Variants in CCDC33 observed in about 807,000 individuals in gnomAD.
CCDC33 encodes the protein coiled-coil domain-containing protein 33.
A neutral mutation model predicts 91.9 loss-of-function variants in CCDC33; 94 were observed. The ratio of observed to expected loss-of-function variants is 1.02; its 90% confidence interval spans 0.87 to 1.21. CCDC33 has a LOEUF of 1.21. CCDC33 is among the 50% of genes most tolerant of loss of function. CCDC33 has a pLI of 0.00. For missense variants in CCDC33, 940 were observed against 935.5 expected (o/e 1.00, Z -0.06); for synonymous variants, 396 against 374.5 (o/e 1.06, Z -0.66).
Position 74,279,983 on chromosome 15 carries a change from C to A in CCDC33, c.780C>A (p.Pro260=), listed in dbSNP as rs779997632. 2.5e-6 allele frequency: 4 copies of A among 1,614,106 alleles called. No homozygotes were observed. The highest frequency in any genetic ancestry group is 2.5e-6 in the Non-Finnish European group (3 of 1,179,974). ...TCCAGCTGTCCAAGCCTGGGGGACC[C>A]CCAGAGCAGCCCCTGTGGAATCAGT... The part of the protein sequence containing the change: ...GCPQLSKPGG[P]PEQPLWNQSF... The change falls in exon 8 of 19, where the codon CCC becomes CCA. Residue 260 remains proline, a synonymous_variant. Coordinates refer to ENST00000398814, the MANE Select transcript of CCDC33 (RefSeq NM_025055.5).
At chr15:74,231,414 A>G (rs377222728), upstream of CCDC33, among the ~76,000 whole-genome samples, 10 of 152,252 alleles carry the variant, frequency 6.6e-5, no homozygotes, top group East Asian at 1.7e-3. Context: ...GGGGCACACC[A>G]CCTCAATCTC....
intron 10 of CCDC33, among the ~76,000 whole-genome samples, chr15:74,294,989 C>T (rs185594382): frequency 1.3e-3 from 202 of 152,142 alleles, no homozygotes; most frequent in African/African-American, 4.7e-3. Flanking sequence ...TGGAGGGAGA[C>T]GAAGGCTCAT....
intron 10 of CCDC33, among the ~76,000 whole-genome samples, chr15:74,284,900 C>G (rs373637986): frequency 2.0e-5 from 3 of 152,382 alleles, no homozygotes; most frequent in East Asian, 3.9e-4. Context: ...TTTGGGAAGG[C>G]AGCAGCAGGG....
chr15:74,241,169 T>A (rs2075335976), intron 1 of CCDC33, among the ~76,000 whole-genome samples: 1 of 151,598 alleles, frequency 6.6e-6, no homozygotes, highest in Non-Finnish European at 1.5e-5. Flanking sequence ...CCTCTGTAGA[T>A]GGTGACAGGC....
upstream of CCDC33, chr15:74,203,007 C>G (rs1169480749): frequency 3.0e-6 from 3 of 986,272 alleles, no homozygotes; most frequent in Admixed American, 6.1e-5. Flanking sequence ...ACATACCTGC[C>G]TTCAGCGCCT....
intron 1 of CCDC33, among the ~76,000 whole-genome samples, chr15:74,239,318 C>G (rs530394323): frequency 3.3e-5 from 5 of 152,100 alleles, no homozygotes; most frequent in African/African-American, 1.2e-4. Flanking sequence ...AACCCACCCG[C>G]GGGAGCTGAA....
intron 16 of CCDC33, 89 bp from the exon 17 acceptor site, chr15:74,333,792 G>C: frequency 9.2e-7 from 1 of 1,081,780 alleles, no homozygotes; most frequent in South Asian, 1.4e-5. Flanking sequence ...GGCCTGACTG[G>C]TTTCTTCCTC....
At chr15:74,267,809 C>A (rs1458838603) in intron 4 of CCDC33, among the ~76,000 whole-genome samples, 3 of 152,212 alleles carry the variant, frequency 2.0e-5, no homozygotes, top group Non-Finnish European at 2.9e-5. Flanking sequence ...AGGTTCCTGG[C>A]ATACAGTAGG....
In CCDC33 at chr15:74,299,324, G is replaced by T. The variant is rs182039620; in HGVS notation, c.1290+3376G>T. On this transcript the variant is annotated intron_variant, in intron 11 of 18. Transcript: ENST00000398814. ...TGGCTGCTAGCCCTGGTTTGCTATC[G>T]GGTTAGGGCCACTCAGCCACCACCA... Among the ~76,000 whole-genome samples, 222 of 152,302 alleles carry T rather than the reference G, an allele frequency of 1.5e-3. 5 individuals are homozygous for T. In the South Asian group the frequency reaches 0.035, roughly 24 times the overall value.
chr15:74,335,037 G>C lies in CCDC33; in HGVS notation c.2088G>C (p.Glu696Asp). Residue 696 changes from glutamate to aspartate, a missense_variant, in exon 18 of 19, where the codon GAG becomes GAC. Coordinates refer to ENST00000398814, the MANE Select transcript of CCDC33 (RefSeq NM_025055.5). ...AGGATCTGGCCACACGGCTGCAGGA[G>C]CAAGAAAAAGGTTTCAGGCACCCCT... is the stretch of plus-strand genomic sequence containing the variant. Reference protein sequence around the residue: ...EKQDLATRLQEQEKGFRHPSN... With the variant: ...EKQDLATRLQDQEKGFRHPSN... 1 of 1,614,130 alleles carries C rather than the reference G, an allele frequency of 6.2e-7. No homozygotes were observed. Among genetic ancestry groups the C allele is most frequent in the Admixed American group, 1.7e-5 (1 of 60,016 alleles).
At chr15:74,281,290 C>G (rs1256264079) in intron 9 of CCDC33, among the ~76,000 whole-genome samples, 1 of 152,240 alleles carries the variant, frequency 6.6e-6, no homozygotes, top group African/African-American at 2.4e-5. Flanking sequence ...CACCACATAC[C>G]AGCTAACATG....
At position 74,280,767 on chromosome 15, in the gene CCDC33, T is replaced by C; in HGVS notation, c.989T>C (p.Leu330Ser). The C allele has an allele frequency of 6.4e-7, 1 of 1,568,078 alleles. No homozygotes were observed. The highest frequency in any genetic ancestry group is 8.6e-7 in the Non-Finnish European group (1 of 1,156,628). The change falls in exon 9 of 19, where the codon TTG (leucine) becomes TCG (serine). Residue 330 changes from leucine to serine, a missense_variant. Coordinates refer to ENST00000398814, the MANE Select transcript of CCDC33 (RefSeq NM_025055.5). The stretch of plus-strand genomic sequence containing the variant: ...CAGAAGATGCTGACAGGGAAAGGCT[T>C]GGACGGGCTTCACGTGGAGCGGCTC... ...LYQKMLTGKGLDGLHVERLPI... is the reference protein window; with the variant it reads ...LYQKMLTGKGSDGLHVERLPI...
chr15:74,213,069 G>A (rs2074383602), upstream of CCDC33: 1 of 152,058 alleles, frequency 6.6e-6, no homozygotes, highest in African/African-American at 2.4e-5. Flanking sequence ...ACAAAAATTA[G>A]CCAGGCAGTA....
chr15:74,203,167 A>G (rs879651782), intron 1 of CCDC33: 1 of 985,480 alleles, frequency 1.0e-6, no homozygotes, highest in Non-Finnish European at 1.2e-6. Context: ...TTCTTCTCCT[A>G]GGGTTTCCAT....
chr15:74,284,547 G>C (rs1038953213), intron 10 of CCDC33, among the ~76,000 whole-genome samples: 3 of 152,042 alleles, frequency 2.0e-5, no homozygotes, highest in Non-Finnish European at 4.4e-5. Flanking sequence ...ATGAGCAATT[G>C]CTGTTCTGGA....
intron 9 of CCDC33, 125 bp downstream of exon 9, chr15:74,280,926 C>T (rs924574812): frequency 5.0e-6 from 5 of 991,814 alleles, no homozygotes; most frequent in Non-Finnish European, 6.6e-6. Context: ...TGTCAAGGCA[C>T]CCACCAGGGA....
At chr15:74,332,083 C>T (rs186721541) in intron 15 of CCDC33, among the ~76,000 whole-genome samples, 391 of 152,194 alleles carry the variant, frequency 2.6e-3, no homozygotes, top group Non-Finnish European at 4.3e-3. Context: ...TCGATATTAA[C>T]CAAAAGCCAC....
chr15:74,244,783 A>G lies in CCDC33; in HGVS notation c.185+635A>G, dbSNP rs2075466395. ...GGCGCCAAGGGGCAACACAATCTCC[A>G]TCCAGCCAACCTTCGCTGGGGACAC... On this transcript the variant is annotated intron_variant, in intron 2 of 18. Transcript: ENST00000398814. The surrounding 1 kb of genome is among the most constrained non-coding windows in gnomAD (Gnocchi z 4.2). 6.6e-6 allele frequency among the ~76,000 whole-genome samples: 1 copy of G among 152,204 alleles called. No homozygotes were observed. Among genetic ancestry groups the G allele is most frequent in the South Asian group, 2.1e-4 (1 of 4,820 alleles).
chr15:74,224,238 G>A (rs2074712986), intron 2 of CCDC33, among the ~76,000 whole-genome samples: 1 of 152,134 alleles, frequency 6.6e-6, no homozygotes, highest in Non-Finnish European at 1.5e-5. Context: ...CACCCTGTCA[G>A]GGAGAGAGGC....
Sources: allele counts gnomAD v4.1 joint callset (sites outside exome capture counted in the v4.1 genomes callset), GRCh38; gene constraint gnomAD v4.1.1; non-coding constraint Gnocchi (gnomAD v3.1); transcripts MANE v1.5; gene names NCBI Gene and HGNC (gene_info 2026-07-23, HGNC 2026-07-21).